The following NET1 variants were observed in gnomAD, a reference collection of about 807,000 sequenced individuals.
NET1 encodes the protein neuroepithelial cell-transforming gene 1 protein.
In NET1, 42 loss-of-function variants were observed where a neutral mutation model predicts 61.1. The ratio of observed to expected loss-of-function variants is 0.69; its 90% CI spans 0.54 to 0.89. NET1 has a LOEUF of 0.89. NET1 is among the 40% of genes least tolerant of loss of function. NET1 has a pLI of 0.00. For synonymous variants in NET1, 254 were observed against 281.8 expected (o/e 0.90, Z 0.99); for missense variants, 654 against 747.3 (o/e 0.88, Z 1.46).
Position 5,417,768 on chromosome 10 carries a change from C to G in NET1, c.128+4948C>G, listed in dbSNP as rs1384994134. Among the ~76,000 whole-genome samples the G allele has an allele frequency of 6.6e-6, 1 of 152,188 alleles. No individual in the cohort carries two copies. Among genetic ancestry groups the G allele is most frequent in the Admixed American group, 6.5e-5 (1 of 15,286 alleles). ...CTTGTTTCTGATCTTAAGGGGAAAGCATACAATCTTTCACCATTAAGTATG... is the reference window on the plus strand; with the variant it reads ...CTTGTTTCTGATCTTAAGGGGAAAGGATACAATCTTTCACCATTAAGTATG... On this transcript the variant is annotated intron_variant, in intron 1 of 11. Transcript: ENST00000355029. This position sits in a 1 kb window ranked among gnomAD's most constrained non-coding sequence, Gnocchi z 5.5.
chr10:5,429,324 T>G, intron 3 of NET1, 95 bp downstream of exon 3: 5 of 877,326 alleles, frequency 5.7e-6, no homozygotes, highest in Non-Finnish European at 8.8e-6. Flanking sequence ...TGGTTTGGGT[T>G]TTTTTGTTTT....
rs1315179582 is a variant in NET1, at chr10:5,446,195, G to A, written c.256-5635G>A. On this transcript the variant is annotated intron_variant, in intron 3 of 11. Coordinates refer to ENST00000355029, the MANE Select transcript of NET1 (RefSeq NM_001047160.3). The surrounding 1 kb of genome is among the most constrained non-coding windows in gnomAD (Gnocchi z 5.0). ...TAATTGTGAATATGCTTGCACTTCT[G>A]TAAAATAAAAGCAGGTTTCCTGGAA... 2.0e-5 allele frequency among the ~76,000 whole-genome samples: 3 copies of A among 152,118 alleles called. No individual in the cohort carries two copies. Among genetic ancestry groups the A allele is most frequent in the East Asian group, 1.9e-4 (1 of 5,190 alleles).
At chr10:5,425,570 A>G (rs1349067295) in intron 1 of NET1, among the ~76,000 whole-genome samples, 3 of 152,198 alleles carry the variant, frequency 2.0e-5, no homozygotes, top group Non-Finnish European at 4.4e-5. Flanking sequence ...TGAAAGCCAG[A>G]TATACCCCTA....
Position 5,457,634 on chromosome 10 carries a change from T to G in NET1, c.*640T>G, listed in dbSNP as rs543657621. 1 of 152,646 alleles carries G rather than the reference T, an allele frequency of 6.6e-6. No individual in the cohort carries two copies. Among genetic ancestry groups the G allele is most frequent in the East Asian group, 1.9e-4 (1 of 5,194 alleles). The allele number at this position is 152,646 out of a possible 1,614,324, so 9.5% of individuals were successfully genotyped here. ...TGTAAAGTAGTTTTTAGCATTTGCTTTTATTTTTTTACTTTGATGCCTTTT... is the reference window on the plus strand; with the variant it reads ...TGTAAAGTAGTTTTTAGCATTTGCTGTTATTTTTTTACTTTGATGCCTTTT... On this transcript the variant is annotated 3_prime_UTR_variant, in exon 12 of 12. Transcript: ENST00000355029. This position sits in a 1 kb window ranked among gnomAD's most constrained non-coding sequence, Gnocchi z 5.4.
chr10:5,436,704 T>C (rs1282354774), intron 3 of NET1, among the ~76,000 whole-genome samples: 2 of 152,202 alleles, frequency 1.3e-5, no homozygotes, highest in African/African-American at 4.8e-5. Flanking sequence ...ACATTCCAAA[T>C]ACCACTTTTG....
Position 5,417,884 on chromosome 10 carries a change from T to G in NET1, c.128+5064T>G, listed in dbSNP as rs1004859057. Among the ~76,000 whole-genome samples the G allele has an allele frequency of 6.6e-6, 1 of 152,080 alleles. No homozygotes were observed. Among genetic ancestry groups the G allele is most frequent in the African/African-American group, 2.4e-5 (1 of 41,402 alleles). On this transcript the variant is annotated intron_variant, in intron 1 of 11. Coordinates refer to ENST00000355029, the MANE Select transcript of NET1 (RefSeq NM_001047160.3). The surrounding 1 kb of genome is among the most constrained non-coding windows in gnomAD (Gnocchi z 5.5). ...TTTGAGTGGTTTTTATCATGAAAGG[T>G]TTTAGGGTTTTTTTTCTTTTGTCTA...
rs560507568 is a variant in NET1, at chr10:5,440,528, A to T, written c.255+11299A>T. Among the ~76,000 whole-genome samples the T allele has an allele frequency of 2.0e-5, 3 of 152,260 alleles. No individual in the cohort carries two copies. In the South Asian group the frequency reaches 6.2e-4, roughly 32 times the overall value. The stretch of plus-strand genomic sequence containing the variant: ...TAAACAGAATGAGGATCTAGTGGAG[A>T]CTATCACTTGTGCAGTCCGTAACTC... On this transcript the variant is annotated intron_variant, in intron 3 of 11. Transcript: ENST00000355029. This position sits in a 1 kb window ranked among gnomAD's most constrained non-coding sequence, Gnocchi z 4.1.
intron 1 of NET1, among the ~76,000 whole-genome samples, chr10:5,418,902 T>G (rs1832123061): frequency 6.6e-6 from 1 of 152,232 alleles, no homozygotes; most frequent in South Asian, 2.1e-4. Context: ...GATTTCTTTT[T>G]GACTTCTTTG....
rs1260767351 is a variant in NET1 at position 5,435,037 on chromosome 10, G to A, written c.255+5808G>A. Among the ~76,000 whole-genome samples, 2 of 152,158 alleles carry A rather than the reference G, an allele frequency of 1.3e-5. No homozygotes were observed. The highest frequency in any genetic ancestry group is 4.8e-5 in the African/African-American group (2 of 41,430). On this transcript the variant is annotated intron_variant, in intron 3 of 11. Coordinates refer to ENST00000355029, the MANE Select transcript of NET1 (RefSeq NM_001047160.3). The surrounding 1 kb of genome is among the most constrained non-coding windows in gnomAD (Gnocchi z 5.0). ...CAAACAAAAGGCTTGAAGTTCTGAT[G>A]ATCCCAGTAGCATTAAGCTGTATTT...
In NET1 at chr10:5,454,226, AC is replaced by A; in HGVS notation, c.769-38del. ...AGGCTTGTTAATGCACTCGGTCATA[AC>A]AGGAACACATCATACCTTTTCTTTT... On this transcript the variant is annotated intron_variant, in intron 8 of 11. Transcript: ENST00000355029. The surrounding 1 kb of genome is among the most constrained non-coding windows in gnomAD (Gnocchi z 8.1). 1 of 1,584,448 alleles carries A rather than the reference AC, an allele frequency of 6.3e-7. No homozygotes were observed. Among genetic ancestry groups the A allele is most frequent in the Non-Finnish European group, 8.6e-7 (1 of 1,167,820 alleles).
At position 5,452,744 on chromosome 10, in the gene NET1, A is replaced by G; in HGVS notation, c.532-114A>G. ...GATTCCATTCTGAATTACAATTTTC[A>G]GACTGAGTTACTTTTTAAAATGCCG... On this transcript the variant is annotated intron_variant, in intron 5 of 11. Transcript: ENST00000355029. This position sits in a 1 kb window ranked among gnomAD's most constrained non-coding sequence, Gnocchi z 4.0. 1 of 1,045,180 alleles carries G rather than the reference A, an allele frequency of 9.6e-7. No individual in the cohort carries two copies. The highest frequency in any genetic ancestry group is 1.4e-6 in the Non-Finnish European group (1 of 707,120). The allele number at this position is 1,045,180 out of a possible 1,614,324, so 64.7% of individuals were successfully genotyped here. A position where few individuals can be genotyped will look rare whatever the true frequency, so the allele number is the denominator to read the frequency against.
At position 5,452,282 on chromosome 10, in the gene NET1, A is replaced by T; in HGVS notation, c.364-76A>T. 1.7e-6 allele frequency: 2 copies of T among 1,159,454 alleles called. No homozygotes were observed. The highest frequency in any genetic ancestry group is 2.5e-5 in the South Asian group (1 of 40,030). 71.8% of individuals were successfully genotyped at this position (1,159,454 alleles called of 1,614,324 possible). On this transcript the variant is annotated intron_variant, in intron 4 of 11. Coordinates refer to ENST00000355029, the MANE Select transcript of NET1 (RefSeq NM_001047160.3). The surrounding 1 kb of genome is among the most constrained non-coding windows in gnomAD (Gnocchi z 4.0). ...TCAGAACTTTGTCTTTCTTCACTTT[A>T]AAAAAAAAGAAAATGGGAATAATTC...
rs1235694395 is a variant in NET1, at chr10:5,453,212, A to T, written c.595-38A>T. ...AGTATAGATCCCTCATGTTTTCCTC[A>T]CATGATCTCTCTGTGACACATTTCT... is the stretch of plus-strand genomic sequence containing the variant. On this transcript the variant is annotated intron_variant, in intron 6 of 11. Transcript: ENST00000355029. This position sits in a 1 kb window ranked among gnomAD's most constrained non-coding sequence, Gnocchi z 4.9. The T allele has an allele frequency of 8.6e-7, 1 of 1,169,468 alleles. No homozygotes were observed. The highest frequency in any genetic ancestry group is 1.3e-6 in the Non-Finnish European group (1 of 774,696). 72.4% of individuals were successfully genotyped at this position (1,169,468 alleles called of 1,614,324 possible).
Position 5,420,858 on chromosome 10 carries a change from T to G in NET1, c.129-5797T>G, listed in dbSNP as rs558901026. 3.3e-5 allele frequency among the ~76,000 whole-genome samples: 5 copies of G among 152,216 alleles called. No individual in the cohort carries two copies. Among genetic ancestry groups the G allele is most frequent in the Non-Finnish European group, 7.4e-5 (5 of 67,994 alleles). Reference sequence around the variant, plus strand: ...AACCGCCCACCTTGACCTCCCAAAGTGCTGGGATTACAAGTATGAGTCACT... The same window carrying G: ...AACCGCCCACCTTGACCTCCCAAAGGGCTGGGATTACAAGTATGAGTCACT... On this transcript the variant is annotated intron_variant, in intron 1 of 11. Transcript: ENST00000355029. The surrounding 1 kb of genome is among the most constrained non-coding windows in gnomAD (Gnocchi z 5.3).
rs1832734581 is a variant in NET1 at position 5,453,066 on chromosome 10, C to T, written c.594+146C>T. ...ATTTTTTTTAGGTGAGGTCTAGACACATCCTCAAATACAAGTATTAGTAAG... is the reference window on the plus strand; with the variant it reads ...ATTTTTTTTAGGTGAGGTCTAGACATATCCTCAAATACAAGTATTAGTAAG... On this transcript the variant is annotated intron_variant, in intron 6 of 11. Transcript: ENST00000355029. This position sits in a 1 kb window ranked among gnomAD's most constrained non-coding sequence, Gnocchi z 4.9. 1 of 709,574 alleles carries T rather than the reference C, an allele frequency of 1.4e-6. No individual in the cohort carries two copies. The highest frequency in any genetic ancestry group is 2.5e-6 in the Non-Finnish European group (1 of 405,292). 44.0% of individuals were successfully genotyped at this position (709,574 alleles called of 1,614,324 possible).
Position 5,431,478 on chromosome 10 carries a change from C to G in NET1, c.255+2249C>G, listed in dbSNP as rs959842615. On this transcript the variant is annotated intron_variant, in intron 3 of 11. Coordinates refer to ENST00000355029, the MANE Select transcript of NET1 (RefSeq NM_001047160.3). This position sits in a 1 kb window ranked among gnomAD's most constrained non-coding sequence, Gnocchi z 4.9. ...AAAATGGATGCTCATTGCCTACATG[C>G]ATTTTTTTCTTGGTGGTTGCAAAGT... 2.0e-5 allele frequency among the ~76,000 whole-genome samples: 3 copies of G among 151,678 alleles called. No individual in the cohort carries two copies. The highest frequency in any genetic ancestry group is 4.4e-5 in the Non-Finnish European group (3 of 67,972).
intron 3 of NET1, among the ~76,000 whole-genome samples, chr10:5,445,929 C>A (rs574977617): frequency 5.5e-4 from 83 of 152,198 alleles, no homozygotes; most frequent in Middle Eastern, 3.4e-3. Context: ...ATATAGAGAA[C>A]AGAAATCACC....
chr10:5,426,751 G>A lies in NET1; in HGVS notation c.195+30G>A. 1 of 1,470,798 alleles carries A rather than the reference G, an allele frequency of 6.8e-7. No homozygotes were observed. The highest frequency in any genetic ancestry group is 9.3e-7 in the Non-Finnish European group (1 of 1,070,592). 91.1% of individuals were successfully genotyped at this position (1,470,798 alleles called of 1,614,324 possible). A position where few individuals can be genotyped will look rare whatever the true frequency, so the allele number is the denominator to read the frequency against. ...GTAGATACCTGGGTTTTTATTTCGA[G>A]ACATTAGATAGAATTAATTCCCTGG... On this transcript the variant is annotated intron_variant, in intron 2 of 11. Transcript: ENST00000355029. The surrounding 1 kb of genome is among the most constrained non-coding windows in gnomAD (Gnocchi z 4.6).
rs895367503 is a variant in NET1, at chr10:5,446,006, T to G, written c.256-5824T>G. Among the ~76,000 whole-genome samples, 1 of 152,152 alleles carries G rather than the reference T, an allele frequency of 6.6e-6. No homozygotes were observed. Among genetic ancestry groups the G allele is most frequent in the Non-Finnish European group, 1.5e-5 (1 of 68,030 alleles). On this transcript the variant is annotated intron_variant, in intron 3 of 11. Transcript: ENST00000355029. The surrounding 1 kb of genome is among the most constrained non-coding windows in gnomAD (Gnocchi z 5.0). ...AAAAGATCCAGAAAAAATATCTACCTCTAAGAAATACTGAATTTTGAAATC... is the reference window on the plus strand; with the variant it reads ...AAAAGATCCAGAAAAAATATCTACCGCTAAGAAATACTGAATTTTGAAATC...
Sources: gnomAD v4.1 joint callset for allele counts (sites outside exome capture counted in the v4.1 genomes callset) on GRCh38, gnomAD v4.1.1 for gene constraint, Gnocchi (gnomAD v3.1) non-coding constraint, MANE v1.5 for transcripts, NCBI Gene and HGNC (gene_info 2026-07-23, HGNC 2026-07-21) for gene names.